SNTG2: variants seen among roughly 807,000 people sequenced by gnomAD.
SNTG2 encodes gamma-2-syntrophin.
A neutral mutation model predicts 70.9 loss-of-function variants in SNTG2; 74 were observed. The ratio of observed to expected loss-of-function variants is 1.04; its 90% CI spans 0.86 to 1.27. The LOEUF is 1.27. SNTG2 is among the 50% of genes most tolerant of loss of function. SNTG2 has a pLI of 0.00. For synonymous variants in SNTG2, 278 were observed against 273.8 expected (o/e 1.02, Z -0.15); for missense variants, 717 against 690.7 (o/e 1.04, Z -0.43).
chr2:1,366,058 CTCT>C (rs1661464014), intron 16 of SNTG2, among the ~76,000 whole-genome samples: 1 of 152,110 alleles, frequency 6.6e-6, no homozygotes, highest in Non-Finnish European at 1.5e-5. Flanking sequence ...CTTAGCGTTG[CTCT>C]TCTTCTTGAA....
Position 1,259,758 on chromosome 2 carries a change from G to A in SNTG2, c.1077+317G>A, listed in dbSNP as rs148175504. ...ACAATCATTTATTCCAAGAACTTTA[G>A]ATTTTGTTACTGCTGCTGCTGTTAT... is the stretch of plus-strand genomic sequence containing the variant. On this transcript the variant is annotated intron_variant, in intron 13 of 16. Coordinates refer to ENST00000308624, the MANE Select transcript of SNTG2 (RefSeq NM_018968.4). Among the ~76,000 whole-genome samples, 11 of 152,316 alleles carry A rather than the reference G, an allele frequency of 7.2e-5. No homozygotes were observed. In the East Asian group the frequency reaches 1.9e-3, roughly 27 times the overall value.
At chr2:1,249,321 T>C (rs940636030) in intron 12 of SNTG2, among the ~76,000 whole-genome samples, 1 of 152,222 alleles carries the variant, frequency 6.6e-6, no homozygotes, top group Non-Finnish European at 1.5e-5. Flanking sequence ...ACTTGCTTTT[T>C]TTTTCTCATT....
intron 1 of SNTG2, among the ~76,000 whole-genome samples, chr2:987,644 T>C (rs1168526293): frequency 6.6e-6 from 1 of 151,578 alleles, no homozygotes; most frequent in Non-Finnish European, 1.5e-5. Context: ...GACTTCCGAG[T>C]TCCAGAGCCG....
intron 8 of SNTG2, among the ~76,000 whole-genome samples, chr2:1,204,761 T>TA (rs1673517762): frequency 6.6e-6 from 1 of 152,214 alleles, no homozygotes; most frequent in South Asian, 2.1e-4. Flanking sequence ...AACTTTATTA[T>TA]AAGTGTGTGT....
chr2:1,084,594 T>G (rs1022731707), intron 2 of SNTG2, among the ~76,000 whole-genome samples: 3 of 152,194 alleles, frequency 2.0e-5, no homozygotes, highest in Non-Finnish European at 4.4e-5. Context: ...CCACGTGCCC[T>G]CTTCGTTCTG....
intron 16 of SNTG2, among the ~76,000 whole-genome samples, chr2:1,346,992 A>G (rs1300467467): frequency 6.6e-6 from 1 of 152,068 alleles, no homozygotes; most frequent in Non-Finnish European, 1.5e-5. Context: ...AGTCAACCAC[A>G]TCATACAGAT....
At chr2:1,149,736 G>A (rs58406172) in intron 6 of SNTG2, among the ~76,000 whole-genome samples, 3,616 of 139,250 alleles carry the variant, frequency 0.026, 201 homozygotes, top group South Asian at 0.08. Context: ...TGCCCAGGCT[G>A]GAGTGCAGTG....
intron 12 of SNTG2, among the ~76,000 whole-genome samples, chr2:1,257,379 C>G (rs972068452): frequency 6.6e-6 from 1 of 152,038 alleles, no homozygotes; most frequent in African/African-American, 2.4e-5. Context: ...GCTCTGGGAG[C>G]GGAGAAGGGA....
Position 1,281,421 on chromosome 2 carries a change from G to GTGTA in SNTG2, c.1284+13853_1284+13854insATGT, listed in dbSNP as rs1553272301. ...TTTATGTGGTGTGTTGTGTGTGTGT[G>GTGTA]TGTGGTGTGGTGTGTGTGTGGTGGT... is the stretch of plus-strand genomic sequence containing the variant. On this transcript the variant is annotated intron_variant, in intron 14 of 16. Coordinates refer to ENST00000308624, the MANE Select transcript of SNTG2 (RefSeq NM_018968.4). Among the ~76,000 whole-genome samples the GTGTA allele has an allele frequency of 4.8e-4, 27 of 56,100 alleles. 2 individuals carry two copies. The highest frequency in any genetic ancestry group is 1.4e-3 in the East Asian group (3 of 2,140). 36.8% of individuals were successfully genotyped at this position (56,100 alleles called of 152,430 possible).
At position 1,237,946 on chromosome 2, in the gene SNTG2, T is replaced by C. The variant is rs761046005; in HGVS notation, c.778T>C (p.Tyr260His). ...AGTCAGCTCTGGGATCCTCCGGTTT[T>C]ACACAGCCCAGGATGGCACCGACTG... The part of the protein sequence containing the change: ...DGVSSGILRF[Y>H]TAQDGTDWLR... The change falls in exon 10 of 17, where the codon TAC becomes CAC. Residue 260 changes from tyrosine to histidine, a missense_variant. Tyr to His is a moderately conservative substitution (Grantham distance 83). Transcript: ENST00000308624. The C allele has an allele frequency of 1.4e-5, 23 of 1,609,276 alleles. No individual in the cohort carries two copies. Among genetic ancestry groups the C allele is most frequent in the Non-Finnish European group, 2.0e-5 (23 of 1,178,142 alleles).
intron 1 of SNTG2, among the ~76,000 whole-genome samples, chr2:1,009,633 G>A (rs914546211): frequency 1.1e-5 from 1 of 93,328 alleles, no homozygotes; most frequent in Non-Finnish European, 2.2e-5. Flanking sequence ...CTGGTGGGTC[G>A]TGTGTATGGC....
intron 1 of SNTG2, among the ~76,000 whole-genome samples, chr2:966,494 G>A (rs1169206545): frequency 2.0e-5 from 3 of 151,906 alleles, no homozygotes; most frequent in Non-Finnish European, 2.9e-5. Context: ...TTATCTGTAA[G>A]ATTTTTGAGA....
chr2:951,081 C>T lies in SNTG2; in HGVS notation c.72+13C>T. 8.1e-7 allele frequency: 1 copy of T among 1,239,740 alleles called. No individual in the cohort carries two copies. The highest frequency in any genetic ancestry group is 1.0e-6 in the Non-Finnish European group (1 of 992,882). The allele number at this position is 1,239,740 out of a possible 1,614,324, so 76.8% of individuals were successfully genotyped here. On this transcript the variant is annotated intron_variant, in intron 1 of 16. Coordinates refer to ENST00000308624, the MANE Select transcript of SNTG2 (RefSeq NM_018968.4). ...GGTACCTGCGCGGGTGAGTGCGGCC[C>T]CTCAGCGCCCCTTCACCTCCGGCCC... is the stretch of plus-strand genomic sequence containing the variant.
At chr2:1,222,494 CAGTGATGGAG>C (rs1675342940) in intron 9 of SNTG2, among the ~76,000 whole-genome samples, 10 of 140,910 alleles carry the variant, frequency 7.1e-5, no homozygotes, top group East Asian at 4.3e-4. Flanking sequence ...GAAAGTGGTG[CAGTGATGGAG>C]GGCGTCTCCC....
chr2:1,212,474 G>A (rs776072768), intron 9 of SNTG2, among the ~76,000 whole-genome samples: 4 of 152,056 alleles, frequency 2.6e-5, no homozygotes, highest in East Asian at 1.9e-4. Flanking sequence ...GTGCAAGAAC[G>A]GACCAATACA....
At chr2:960,198 C>T (rs1351466789) in intron 1 of SNTG2, among the ~76,000 whole-genome samples, 3 of 152,140 alleles carry the variant, frequency 2.0e-5, no homozygotes, top group African/African-American at 7.2e-5. Context: ...AGCACCTGTC[C>T]TTGCTGCACT....
At chr2:990,860 A>AG (rs1427758752) in intron 1 of SNTG2, among the ~76,000 whole-genome samples, 1 of 151,836 alleles carries the variant, frequency 6.6e-6, no homozygotes, top group Non-Finnish European at 1.5e-5. Context: ...CCCTTTTCTT[A>AG]GAAAAAAAAA....
intron 12 of SNTG2, among the ~76,000 whole-genome samples, chr2:1,254,771 T>C (rs1297276647): frequency 6.6e-6 from 1 of 152,186 alleles, no homozygotes; most frequent in Non-Finnish European, 1.5e-5. Context: ...ACCATAGTGA[T>C]GATATATAGT....
intron 1 of SNTG2, among the ~76,000 whole-genome samples, chr2:1,012,371 C>T (rs531635804): frequency 5.8e-4 from 88 of 152,324 alleles, no homozygotes; most frequent in Middle Eastern, 3.4e-3. Flanking sequence ...GGGAGGCCAG[C>T]GATGAGCAGA....
Sources: gnomAD v4.1 joint callset for allele counts (sites outside exome capture counted in the v4.1 genomes callset) on GRCh38, gnomAD v4.1.1 for gene constraint, MANE v1.5 for transcripts, NCBI Gene and HGNC (gene_info 2026-07-23, HGNC 2026-07-21) for gene names.